ACTN1: variants seen among roughly 807,000 people sequenced by gnomAD.
ACTN1 encodes actinin alpha 1, also known as alpha-actinin-1.
Under a neutral mutation model 119.6 loss-of-function variants are expected in ACTN1, and 30 were observed. The ratio of observed to expected loss-of-function variants is 0.25; its 90% CI spans 0.19 to 0.34. The LOEUF (loss-of-function observed/expected upper bound fraction) is 0.34, where lower values mean the gene tolerates loss of function less well. ACTN1 is among the 10% of genes least tolerant of loss of function. The pLI is 1.00. For synonymous variants in ACTN1, 429 were observed against 472.6 expected, an observed-to-expected ratio of 0.91 and a Z score of 1.20; for missense variants, 764 against 1,223.4, an observed-to-expected ratio of 0.62 and a Z score of 5.60.
At chr14:68,893,900 C>T (rs1028492721) in intron 8 of ACTN1, among the ~76,000 whole-genome samples, 153 bp from the exon 9 acceptor site, 1 of 152,104 alleles carries the variant, frequency 6.6e-6, no homozygotes, top group Non-Finnish European at 1.5e-5. Context: ...CTCCTCTCTC[C>T]TTACCATCCT....
chr14:68,939,827 T>A (rs2035703876), intron 1 of ACTN1, among the ~76,000 whole-genome samples: 1 of 152,236 alleles, frequency 6.6e-6, no homozygotes, highest in Non-Finnish European at 1.5e-5. Context: ...TAAACTAAAA[T>A]GTTCCAGGAC....
intron 1 of ACTN1, among the ~76,000 whole-genome samples, chr14:68,948,395 G>T (rs935106721): frequency 9.2e-5 from 14 of 152,168 alleles, no homozygotes; most frequent in African/African-American, 3.1e-4. Context: ...TGACCAACAT[G>T]GTGGAACCCC....
intron 8 of ACTN1, among the ~76,000 whole-genome samples, chr14:68,894,542 G>C (rs116941693): frequency 0.01 from 1,583 of 152,290 alleles, 10 homozygotes; most frequent in Non-Finnish European, 0.015. Context: ...GGGGGCTACT[G>C]TACCCCTAAC....
intron 1 of ACTN1, among the ~76,000 whole-genome samples, chr14:68,953,705 C>T (rs2036248485): frequency 6.6e-6 from 1 of 150,666 alleles, no homozygotes; most frequent in African/African-American, 2.4e-5. Context: ...GGTGAAACCC[C>T]ATCTCTACTA....
chr14:68,975,981 G>A (rs562844817), intron 1 of ACTN1, among the ~76,000 whole-genome samples: 9 of 152,072 alleles, frequency 5.9e-5, no homozygotes, highest in Non-Finnish European at 8.8e-5. Flanking sequence ...AGGGCTCCAC[G>A]GGCAGAAATG....
At chr14:68,928,013 C>T (rs1034235677) in intron 1 of ACTN1, among the ~76,000 whole-genome samples, 9 of 152,118 alleles carry the variant, frequency 5.9e-5, no homozygotes, top group Non-Finnish European at 1.2e-4. Context: ...TTTTCTATTT[C>T]CTTGAGGGGA....
Position 68,892,155 on chromosome 14 carries a change from C to T in ACTN1, c.984G>A (p.Val328=), listed in dbSNP as rs367687394. 1.7e-5 allele frequency: 27 copies of T among 1,614,156 alleles called. No homozygotes were observed. Among genetic ancestry groups the T allele is most frequent in the Non-Finnish European group, 2.2e-5 (26 of 1,180,026 alleles). ...DYRRLHKPPK[V]QEKCQLEINF... is the part of the protein sequence containing the mutation. ...TGATCTCCAGCTGGCACTTCTCCTGCACCTTGGGCGGCTTGTGCAGGCGCC... is the reference window on the plus strand; with the variant it reads ...TGATCTCCAGCTGGCACTTCTCCTGTACCTTGGGCGGCTTGTGCAGGCGCC... Residue 328 remains valine (V), a synonymous_variant, in exon 10 of 22, where the codon GTG becomes GTA. Transcript: ENST00000394419.
At chr14:68,923,285 T>A (rs1566641431) in intron 2 of ACTN1, among the ~76,000 whole-genome samples, 1 of 151,982 alleles carries the variant, frequency 6.6e-6, no homozygotes, top group African/African-American at 2.4e-5. Flanking sequence ...CACTTTGTGA[T>A]AAAAGACACA....
In ACTN1 at chr14:68,909,762, A is replaced by G. The variant is rs743127; in HGVS notation, c.515+193T>C. On this transcript the variant is annotated intron_variant, in intron 5 of 21. Transcript: ENST00000394419. This position sits in a 1 kb window ranked among gnomAD's most constrained non-coding sequence, Gnocchi z 4.1. The stretch of plus-strand genomic sequence containing the variant: ...CAAAGTTATATCAGGCAGCAGCCCC[A>G]TCTAAGACACTGCAGGGAGAGAGAC... 0.6 allele frequency among the ~76,000 whole-genome samples: 91,178 copies of G among 152,060 alleles called. 28,059 individuals are homozygous for G. The highest frequency in any genetic ancestry group is 0.93 in the East Asian group (4,822 of 5,158).
chr14:68,969,861 G>A (rs1241671929), intron 1 of ACTN1, among the ~76,000 whole-genome samples: 1 of 152,148 alleles, frequency 6.6e-6, no homozygotes, highest in African/African-American at 2.4e-5. Flanking sequence ...CCACCCACAT[G>A]CAAGGCTTGG....
chr14:68,949,569 TA>T (rs1294681389), intron 1 of ACTN1, among the ~76,000 whole-genome samples: 1 of 152,112 alleles, frequency 6.6e-6, no homozygotes, highest in Non-Finnish European at 1.5e-5. Flanking sequence ...GCACAACCAG[TA>T]ACAGCATAAA....
chr14:68,885,871 G>A lies in ACTN1; in HGVS notation c.1235-296C>T, dbSNP rs988306437. 3.4e-5 allele frequency: 10 copies of A among 290,438 alleles called. No homozygotes were observed. The highest frequency in any genetic ancestry group is 2.9e-4 in the East Asian group (5 of 17,320). The allele number at this position is 290,438 out of a possible 1,614,324, so 18.0% of individuals were successfully genotyped here. ...TAGGGCATGACGCTATACACACAGC[G>A]GGAAACACAGCCATCCACACCCTCT... is the stretch of plus-strand genomic sequence containing the variant. On this transcript the variant is annotated intron_variant, in intron 11 of 21. Transcript: ENST00000394419. The surrounding 1 kb of genome is among the most constrained non-coding windows in gnomAD (Gnocchi z 5.6).
At chr14:68,912,477 C>A (rs2034064058) in intron 3 of ACTN1, among the ~76,000 whole-genome samples, 1 of 152,154 alleles carries the variant, frequency 6.6e-6, no homozygotes, top group African/African-American at 2.4e-5. Flanking sequence ...ATCCTGGGCT[C>A]AAGCGATCCT....
At chr14:68,938,845 T>G (rs1368660467) in intron 1 of ACTN1, among the ~76,000 whole-genome samples, 3 of 152,204 alleles carry the variant, frequency 2.0e-5, no homozygotes, top group African/African-American at 7.2e-5. Flanking sequence ...GAAGTCCTGT[T>G]GTTTTTTTTC....
intron 10 of ACTN1, 88 bp downstream of exon 10, chr14:68,891,965 C>A: frequency 6.6e-7 from 1 of 1,509,732 alleles, no homozygotes; most frequent in South Asian, 1.2e-5. Context: ...ATCCGCACCC[C>A]CATAAAGCTG....
intron 1 of ACTN1, among the ~76,000 whole-genome samples, chr14:68,940,271 C>A (rs2035720625): frequency 6.6e-6 from 1 of 152,162 alleles, no homozygotes; most frequent in Non-Finnish European, 1.5e-5. Context: ...TTTTTTGGCA[C>A]AGATGCTGAG....
At chr14:68,939,636 A>G (rs925837488) in intron 1 of ACTN1, among the ~76,000 whole-genome samples, 8 of 152,084 alleles carry the variant, frequency 5.3e-5, no homozygotes, top group African/African-American at 1.7e-4. Context: ...GGAACGGAGG[A>G]GTTGGGGGAG....
intron 1 of ACTN1, among the ~76,000 whole-genome samples, chr14:68,927,480 AGT>A (rs1343244349): frequency 5.3e-5 from 8 of 152,192 alleles, no homozygotes; most frequent in Admixed American, 5.2e-4. Flanking sequence ...CAGACATTCT[AGT>A]GGACGTAAGA....
chr14:68,881,936 C>CCTTTTT (rs2031552165), intron 16 of ACTN1, among the ~76,000 whole-genome samples: 1 of 58,394 alleles, frequency 1.7e-5, no homozygotes, highest in African/African-American at 1.1e-4. Context: ...TAGGCAGCTT[C>CCTTTTT]TTTTTTTTTT....
Sources: allele counts gnomAD v4.1 joint callset (sites outside exome capture counted in the v4.1 genomes callset), GRCh38; gene constraint gnomAD v4.1.1; non-coding constraint Gnocchi (gnomAD v3.1); transcripts MANE v1.5; gene names NCBI Gene and HGNC (gene_info 2026-07-23, HGNC 2026-07-21).